The following CBFB variants were observed in gnomAD, a reference collection of about 807,000 sequenced individuals.
CBFB encodes core-binding factor subunit beta, also known as CBF-beta.
A neutral mutation model predicts 30.4 loss-of-function variants in CBFB; 9 were observed. The observed-to-expected ratio is 0.30, with a 90% CI of 0.18 to 0.52. CBFB has a LOEUF of 0.52. CBFB is among the 20% of genes least tolerant of loss of function. CBFB has a pLI of 0.97. For missense variants in CBFB, 170 were observed against 244.0 expected, an observed-to-expected ratio of 0.70 and a Z score of 2.02; for synonymous variants, 94 against 84.0, an observed-to-expected ratio of 1.12 and a Z score of -0.65.
intron 3 of CBFB, among the ~76,000 whole-genome samples, chr16:67,042,326 T>C (rs1966545937): frequency 6.6e-6 from 1 of 152,212 alleles, no homozygotes; most frequent in African/African-American, 2.4e-5. Context: ...TGGCTAATTT[T>C]AAATTTTTTT....
intron 2 of CBFB, among the ~76,000 whole-genome samples, chr16:67,031,437 C>T (rs1258800780): frequency 6.6e-6 from 1 of 152,156 alleles, no homozygotes; most frequent in African/African-American, 2.4e-5. Flanking sequence ...AGGTGGTATA[C>T]CTGACGATAG....
At chr16:67,051,568 A>G (rs1259652783) in intron 3 of CBFB, among the ~76,000 whole-genome samples, 1 of 151,812 alleles carries the variant, frequency 6.6e-6, no homozygotes, top group Admixed American at 6.6e-5. Context: ...GTGTTTTTGT[A>G]TGTATTTCTA....
At chr16:67,056,703 G>A (rs1016142836) in intron 3 of CBFB, among the ~76,000 whole-genome samples, 20 of 140,576 alleles carry the variant, frequency 1.4e-4, no homozygotes, top group Admixed American at 1.2e-3. Context: ...TTTTTTTTAA[G>A]ACAGAGTCTC....
chr16:67,098,015 A>G (rs549663776), intron 5 of CBFB, among the ~76,000 whole-genome samples: 3 of 152,356 alleles, frequency 2.0e-5, no homozygotes, highest in South Asian at 4.1e-4. Flanking sequence ...AATGTCAGCT[A>G]TTACTAAAAG....
At chr16:67,038,734 AGTTT>A (rs1256846436) in intron 3 of CBFB, among the ~76,000 whole-genome samples, 2 of 152,028 alleles carry the variant, frequency 1.3e-5, no homozygotes, top group Non-Finnish European at 2.9e-5. Flanking sequence ...ACTTCCTTAA[AGTTT>A]GTTTAACATG....
intron 5 of CBFB, among the ~76,000 whole-genome samples, chr16:67,082,820 C>A (rs948919169): frequency 1.3e-5 from 2 of 152,054 alleles, no homozygotes; most frequent in African/African-American, 4.8e-5. Flanking sequence ...TTTAACCTTT[C>A]TATTGTAAAA....
chr16:67,031,575 A>G (rs1966348655), intron 2 of CBFB, among the ~76,000 whole-genome samples: 1 of 152,200 alleles, frequency 6.6e-6, no homozygotes, highest in African/African-American at 2.4e-5. Context: ...CAGCAGCATG[A>G]TCTTGGCTCG....
At chr16:67,060,743 C>T (rs149251795) in intron 3 of CBFB, among the ~76,000 whole-genome samples, 2,042 of 152,120 alleles carry the variant, frequency 0.013, 13 homozygotes, top group Non-Finnish European at 0.022. Context: ...TTAGTAGAGA[C>T]GGGGTTTCTC....
intron 3 of CBFB, among the ~76,000 whole-genome samples, chr16:67,059,165 A>T (rs1960815970): frequency 6.6e-6 from 1 of 152,242 alleles, no homozygotes; most frequent in Non-Finnish European, 1.5e-5. Flanking sequence ...GCCACTGCTT[A>T]TTCCAAATTT....
chr16:67,079,532 T>G (rs1411870234), intron 4 of CBFB, among the ~76,000 whole-genome samples: 2 of 150,710 alleles, frequency 1.3e-5, no homozygotes, highest in African/African-American at 4.9e-5. Flanking sequence ...TTTTTTTTTT[T>G]TTTTTTGACC....
At chr16:67,062,795 A>T (rs1035966151) in intron 3 of CBFB, among the ~76,000 whole-genome samples, 7 of 152,016 alleles carry the variant, frequency 4.6e-5, no homozygotes, top group Non-Finnish European at 2.9e-5. Flanking sequence ...TCTGTCTCAA[A>T]AATAATAATA....
intron 3 of CBFB, among the ~76,000 whole-genome samples, chr16:67,048,434 G>A (rs922103597): frequency 6.6e-6 from 1 of 152,142 alleles, no homozygotes; most frequent in Non-Finnish European, 1.5e-5. Context: ...TTCTCAGTGA[G>A]ACTATACTCA....
intron 5 of CBFB, among the ~76,000 whole-genome samples, chr16:67,094,738 A>T (rs1308711886): frequency 6.6e-6 from 1 of 152,144 alleles, no homozygotes; most frequent in African/African-American, 2.4e-5. Context: ...CTGTCCTTAC[A>T]CTGCATTTAG....
intron 3 of CBFB, among the ~76,000 whole-genome samples, chr16:67,037,285 C>T (rs141062842): frequency 2.6e-4 from 40 of 152,196 alleles, no homozygotes; most frequent in Middle Eastern, 6.8e-3. Flanking sequence ...ACATTCTAAC[C>T]CTTAAGGAAA....
At chr16:67,083,182 GAAAT>G (rs549365975) in intron 5 of CBFB, among the ~76,000 whole-genome samples, 1 of 151,956 alleles carries the variant, frequency 6.6e-6, no homozygotes, top group Non-Finnish European at 1.5e-5. Context: ...CTGCCTTTAG[GAAAT>G]AAATAAATAA....
intron 4 of CBFB, among the ~76,000 whole-genome samples, chr16:67,080,872 C>T (rs1055940004): frequency 1.3e-5 from 2 of 151,998 alleles, no homozygotes; most frequent in Admixed American, 1.3e-4. Flanking sequence ...GTAAAGAAAA[C>T]GGAAGAGCAT....
chr16:67,053,710 C>G (rs148234745), intron 3 of CBFB, among the ~76,000 whole-genome samples: 12 of 152,060 alleles, frequency 7.9e-5, no homozygotes, highest in Non-Finnish European at 1.8e-4. Context: ...AGGGCTCACA[C>G]TGGAGTTAGG....
At chr16:67,079,393 T>G (rs954209738) in intron 4 of CBFB, among the ~76,000 whole-genome samples, 1 of 151,944 alleles carries the variant, frequency 6.6e-6, no homozygotes, top group African/African-American at 2.4e-5. Context: ...AAATTTTGAG[T>G]ATTAGAAAAC....
intron 5 of CBFB, among the ~76,000 whole-genome samples, chr16:67,097,212 G>A (rs908065116): frequency 6.6e-5 from 10 of 151,362 alleles, no homozygotes; most frequent in African/African-American, 2.4e-4. Context: ...CAGTCTTGGT[G>A]ACAGAGTGAG....
Sources: allele counts gnomAD v4.1 joint callset (sites outside exome capture counted in the v4.1 genomes callset), GRCh38; gene constraint gnomAD v4.1.1; transcripts MANE v1.5; gene names NCBI Gene and HGNC (gene_info 2026-07-23, HGNC 2026-07-21).